Variants in MAPT observed in about 807,000 individuals in gnomAD.
MAPT encodes the protein microtubule associated protein tau.
In MAPT, 34 loss-of-function variants were observed where a neutral mutation model predicts 67.9. The observed-to-expected ratio is 0.50, with a 90% confidence interval of 0.38 to 0.67. MAPT has a LOEUF of 0.67. Ranked by LOEUF, MAPT falls within the 30% of genes least tolerant of loss-of-function variation. The pLI is 0.00. For synonymous variants in MAPT, 456 were observed against 464.5 expected, an observed-to-expected ratio of 0.98 and a Z score of 0.23; for missense variants, 881 against 1,115.2, an observed-to-expected ratio of 0.79 and a Z score of 2.99.
intron 1 of MAPT, among the ~76,000 whole-genome samples, chr17:45,933,746 G>A (rs1396588719): frequency 1.3e-5 from 2 of 152,092 alleles, no homozygotes; most frequent in Non-Finnish European, 2.9e-5. Context: ...TCATCTGCTA[G>A]GTCCCCAGTC....
chr17:45,955,590 G>A (rs62062813), intron 1 of MAPT, among the ~76,000 whole-genome samples: 21,815 of 152,256 alleles, frequency 0.14, 2,135 homozygotes, highest in Non-Finnish European at 0.22. Context: ...GTGTCGATGT[G>A]CAGAGAAGGG....
intron 1 of MAPT, among the ~76,000 whole-genome samples, chr17:45,960,706 A>G (rs1422963094): frequency 6.6e-6 from 1 of 152,084 alleles, no homozygotes; most frequent in Non-Finnish European, 1.5e-5. Flanking sequence ...TAATCCCAAC[A>G]CTTTGAGAGG....
chr17:45,985,796 A>G (rs1173282745), intron 5 of MAPT: 2 of 894,154 alleles, frequency 2.2e-6, no homozygotes, highest in Middle Eastern at 5.7e-4. Flanking sequence ...CCCAGGTGCC[A>G]CTTTAGGCTT....
chr17:45,986,368 G>A (rs186826723), intron 5 of MAPT, among the ~76,000 whole-genome samples: 5 of 152,324 alleles, frequency 3.3e-5, no homozygotes, highest in South Asian at 2.1e-4. Context: ...TTCTGGAGGC[G>A]TGTGACCAGA....
rs1022023367 is a variant in MAPT at position 45,915,249 on chromosome 17, G to A, written c.-18+20563G>A. Among the ~76,000 whole-genome samples the A allele has an allele frequency of 2.0e-5, 3 of 151,744 alleles. No individual in the cohort carries two copies. Among genetic ancestry groups the A allele is most frequent in the African/African-American group, 7.3e-5 (3 of 41,298 alleles). ...TGGGGGGATGGGGGTGAGTGTGTGTGGTGTGTAAGCATGAGTGTGTATGTG... is the reference window on the plus strand; with the variant it reads ...TGGGGGGATGGGGGTGAGTGTGTGTAGTGTGTAAGCATGAGTGTGTATGTG... On this transcript the variant is annotated intron_variant, in intron 1 of 12. Transcript: ENST00000262410. The surrounding 1 kb of genome is among the most constrained non-coding windows in gnomAD (Gnocchi z 4.4).
At chr17:45,960,843 A>C (rs1188636285) in intron 1 of MAPT, among the ~76,000 whole-genome samples, 1 of 7,054 alleles carries the variant, frequency 1.4e-4, no homozygotes, top group Non-Finnish European at 4.3e-4. Context: ...ACAGGGGCCA[A>C]AAAAAAAAAA....
intron 4 of MAPT, among the ~76,000 whole-genome samples, chr17:45,981,131 G>A (rs2072908983): frequency 1.3e-5 from 2 of 152,094 alleles, no homozygotes; most frequent in Admixed American, 6.5e-5. Flanking sequence ...CGATGGGGTC[G>A]GGCCCACAGG....
intron 1 of MAPT, among the ~76,000 whole-genome samples, chr17:45,919,635 C>T (rs2065509984): frequency 6.6e-6 from 1 of 152,240 alleles, no homozygotes; most frequent in Admixed American, 6.5e-5. Flanking sequence ...GGTTGGGGCG[C>T]AGTGGCTCAT....
In MAPT at chr17:45,915,452, G is replaced by A. The variant is rs2065126363; in HGVS notation, c.-18+20766G>A. Among the ~76,000 whole-genome samples the A allele has an allele frequency of 8.1e-6, 1 of 123,256 alleles. No homozygotes were observed. Among genetic ancestry groups the A allele is most frequent in the Non-Finnish European group, 2.0e-5 (1 of 48,956 alleles). The allele number at this position is 123,256 out of a possible 152,430, so 80.9% of individuals were successfully genotyped here. A position where few individuals can be genotyped will look rare whatever the true frequency, so the allele number is the denominator to read the frequency against. ...GTGTGTGGTGTGTAAGCATGTGTGAGTGTGTATGTTTGAGCATGTGTGGTG... is the reference window on the plus strand; with the variant it reads ...GTGTGTGGTGTGTAAGCATGTGTGAATGTGTATGTTTGAGCATGTGTGGTG... On this transcript the variant is annotated intron_variant, in intron 1 of 12. Transcript: ENST00000262410. The surrounding 1 kb of genome is among the most constrained non-coding windows in gnomAD (Gnocchi z 4.4).
intron 1 of MAPT, among the ~76,000 whole-genome samples, chr17:45,926,054 TA>T (rs1298386858): frequency 6.6e-6 from 1 of 151,670 alleles, no homozygotes; most frequent in Non-Finnish European, 1.5e-5. Context: ...CTACTAAAAA[TA>T]AAAAAATTAG....
chr17:46,024,277 C>G lies in MAPT; in HGVS notation c.*106C>G. 2 of 1,039,062 alleles carry G rather than the reference C, an allele frequency of 1.9e-6. No homozygotes were observed. The highest frequency in any genetic ancestry group is 2.9e-6 in the Non-Finnish European group (2 of 689,422). 64.4% of individuals were successfully genotyped at this position (1,039,062 alleles called of 1,614,324 possible). Reference sequence around the variant, plus strand: ...CCGCCCTCTGCCCCCAGCTGCTCCTCGCAGTTCGGTTAATTGGTTAATCAC... The same window carrying G: ...CCGCCCTCTGCCCCCAGCTGCTCCTGGCAGTTCGGTTAATTGGTTAATCAC... On this transcript the variant is annotated 3_prime_UTR_variant, in exon 13 of 13. Transcript: ENST00000262410.
chr17:45,946,598 T>TAAAAA (rs763910082), intron 1 of MAPT, among the ~76,000 whole-genome samples: 15 of 60,878 alleles, frequency 2.5e-4, no homozygotes, highest in African/African-American at 1.0e-3. Context: ...GACTCTGTCT[T>TAAAAA]AAAAAAAAAA....
At chr17:45,974,299 T>C in intron 3 of MAPT, 1 of 948,652 alleles carries the variant, frequency 1.1e-6, no homozygotes. Flanking sequence ...TCCTCCTCCC[T>C]GCATTGCTCC....
At position 46,024,195 on chromosome 17, in the gene MAPT, A is replaced by C; in HGVS notation, c.*24A>C. On this transcript the variant is annotated 3_prime_UTR_variant, in exon 13 of 13. Transcript: ENST00000262410. ...GATCAGGCCCCTGGGGCGGTCAATAATTGTGGAGAGGAGAGAATGAGAGAG... is the reference window on the plus strand; with the variant it reads ...GATCAGGCCCCTGGGGCGGTCAATACTTGTGGAGAGGAGAGAATGAGAGAG... The C allele has an allele frequency of 6.3e-7, 1 of 1,598,934 alleles. No homozygotes were observed. Among genetic ancestry groups the C allele is most frequent in the Non-Finnish European group, 8.6e-7 (1 of 1,166,582 alleles).
chr17:45,962,000 C>T (rs564210168), intron 1 of MAPT, among the ~76,000 whole-genome samples: 1 of 152,244 alleles, frequency 6.6e-6, no homozygotes, highest in African/African-American at 2.4e-5. Flanking sequence ...GTCTCGATCC[C>T]CTGACCTCAG....
intron 9 of MAPT, among the ~76,000 whole-genome samples, chr17:46,002,787 T>G (rs180732849): frequency 3.2e-4 from 48 of 152,248 alleles, no homozygotes; most frequent in African/African-American, 1.2e-3. Context: ...TGTATTGATT[T>G]GTTTCTCTTT....
chr17:45,954,817 A>G (rs2069447651), intron 1 of MAPT, among the ~76,000 whole-genome samples: 2 of 151,862 alleles, frequency 1.3e-5, no homozygotes, highest in African/African-American at 4.8e-5. Flanking sequence ...CGTCTCTACT[A>G]AAAATACAAA....
At position 45,983,065 on chromosome 17, in the gene MAPT, T is replaced by A; in HGVS notation, c.486T>A (p.Pro162=). 3.9e-6 allele frequency: 6 copies of A among 1,531,372 alleles called. No homozygotes were observed. Among genetic ancestry groups the A allele is most frequent in the Non-Finnish European group, 5.3e-6 (6 of 1,134,442 alleles). The allele number at this position is 1,531,372 out of a possible 1,614,324, so 94.9% of individuals were successfully genotyped here. A position where few individuals can be genotyped will look rare whatever the true frequency, so the allele number is the denominator to read the frequency against. ...PQHRPVCPAP[P]PTGGPQEPSL... ...ACCGTCCCGTTTGCCCAGCGCCTCC[T>A]CCAACAGGAGGCCCTCAGGAGCCCT... The change falls in exon 5 of 13, where the codon CCT becomes CCA. Residue 162 remains proline (P), a synonymous_variant. Coordinates refer to ENST00000262410, the MANE Select transcript of MAPT (RefSeq NM_001377265.1).
At chr17:45,965,726 CAAA>C (rs60683636) in intron 2 of MAPT, among the ~76,000 whole-genome samples, 1 of 147,960 alleles carries the variant, frequency 6.8e-6, no homozygotes, top group Non-Finnish European at 1.5e-5. Flanking sequence ...AACTCCTTCT[CAAA>C]AAAAAAAAAA....
Sources: gnomAD v4.1 joint callset for allele counts (sites outside exome capture counted in the v4.1 genomes callset) on GRCh38, gnomAD v4.1.1 for gene constraint, Gnocchi (gnomAD v3.1) non-coding constraint, MANE v1.5 for transcripts, NCBI Gene and HGNC (gene_info 2026-07-23, HGNC 2026-07-21) for gene names.